ZNF831: variants seen among roughly 807,000 people sequenced by gnomAD.
ZNF831 encodes zinc finger protein 831, also known as chromosome 20 open reading frame 174.
A neutral mutation model predicts 95.8 loss-of-function variants in ZNF831; 59 were observed. The ratio of observed to expected loss-of-function variants is 0.62; its 90% CI spans 0.50 to 0.77. The LOEUF (loss-of-function observed/expected upper bound fraction) is 0.77, where lower values mean the gene tolerates loss of function less well. Ranked by LOEUF, ZNF831 falls within the 30% of genes least tolerant of loss-of-function variation. ZNF831 has a pLI of 0.00. For synonymous variants in ZNF831, 961 were observed against 925.5 expected, an observed-to-expected ratio of 1.04 and a Z score of -0.70; for missense variants, 2,205 against 2,164.0, an observed-to-expected ratio of 1.02 and a Z score of -0.38.
chr20:59,177,157 C>T (rs548506989), intron 1 of ZNF831, among the ~76,000 whole-genome samples: 6 of 152,288 alleles, frequency 3.9e-5, no homozygotes, highest in South Asian at 2.1e-4. Flanking sequence ...CTCCATTTGC[C>T]GTGGAGGAGA....
chr20:59,178,920 G>A (rs988207063), intron 1 of ZNF831, among the ~76,000 whole-genome samples: 5 of 152,210 alleles, frequency 3.3e-5, no homozygotes, highest in Admixed American at 6.5e-5. Flanking sequence ...TCCAGAGCCC[G>A]CTCTCTTTTA....
At chr20:59,140,155 T>C (rs1979632647) in intron 1 of ZNF831, among the ~76,000 whole-genome samples, 1 of 152,188 alleles carries the variant, frequency 6.6e-6, no homozygotes, top group Admixed American at 6.5e-5. Flanking sequence ...TTCTCAGAGG[T>C]GATGAAATGT....
intron 4 of ZNF831, among the ~76,000 whole-genome samples, chr20:59,252,180 G>A (rs1247866527): frequency 1.3e-5 from 2 of 152,214 alleles, no homozygotes; most frequent in Non-Finnish European, 2.9e-5. Flanking sequence ...GGGTTGGCAG[G>A]GGTTGCAGTT....
intron 4 of ZNF831, among the ~76,000 whole-genome samples, chr20:59,221,854 G>C (rs956044268): frequency 6.6e-6 from 1 of 152,206 alleles, no homozygotes; most frequent in Non-Finnish European, 1.5e-5. Context: ...TGGCGTGCCG[G>C]GAACGGACAA....
chr20:59,191,373 G>C lies in ZNF831; in HGVS notation c.354G>C (p.Val118=), dbSNP rs2146546778. ...CCCCTACGCTGACGGTGAACATCGT[G>C]GGCACTCTGCCTGTCCTGTCGCCGG... The part of the protein sequence containing the change: ...PAAPTLTVNI[V]GTLPVLSPGL... The change falls in exon 2 of 6, where the codon GTG becomes GTC. Residue 118 remains valine, a synonymous_variant. Coordinates refer to ENST00000371030, the MANE Select transcript of ZNF831 (RefSeq NM_178457.3). The C allele has an allele frequency of 6.2e-7, 1 of 1,608,856 alleles. No individual in the cohort carries two copies. Among genetic ancestry groups the C allele is most frequent in the Non-Finnish European group, 8.5e-7 (1 of 1,177,730 alleles).
At chr20:59,190,914 G>A (rs1203785705) in intron 1 of ZNF831, 70 bp from the exon 2 acceptor site, 6 of 1,372,614 alleles carry the variant, frequency 4.4e-6, no homozygotes, top group Admixed American at 5.6e-5. Context: ...GCTTGGTGCA[G>A]GGTAGGCAAG....
chr20:59,205,029 C>T (rs749910301), intron 3 of ZNF831, among the ~76,000 whole-genome samples: 1 of 152,124 alleles, frequency 6.6e-6, no homozygotes, highest in Non-Finnish European at 1.5e-5. Flanking sequence ...AATTCAGAGG[C>T]GGGGCCTTTC....
chr20:59,247,076 T>A (rs1158835774), intron 4 of ZNF831, among the ~76,000 whole-genome samples: 1 of 152,192 alleles, frequency 6.6e-6, no homozygotes. Context: ...AACAAATGAA[T>A]TTACTGTCAA....
chr20:59,243,181 T>TA (rs1451907178), intron 4 of ZNF831, among the ~76,000 whole-genome samples: 1 of 152,230 alleles, frequency 6.6e-6, no homozygotes. Flanking sequence ...ATTCAGCACA[T>TA]ACCTAAGGTT....
Position 59,257,801 on chromosome 20 carries a change from G to A in ZNF831, c.*3058G>A, listed in dbSNP as rs1248736584. The A allele has an allele frequency of 6.6e-6, 1 of 152,110 alleles. No homozygotes were observed. The highest frequency in any genetic ancestry group is 1.5e-5 in the Non-Finnish European group (1 of 68,022). The allele number at this position is 152,110 out of a possible 1,614,324, so 9.4% of individuals were successfully genotyped here. On this transcript the variant is annotated 3_prime_UTR_variant, in exon 6 of 6. Coordinates refer to ENST00000371030, the MANE Select transcript of ZNF831 (RefSeq NM_178457.3). The stretch of plus-strand genomic sequence containing the variant: ...TTCTTCCACAGAGAATAGTTAGAGG[G>A]ATGCTGTCATGAACTAAGGGAAGGG...
At chr20:59,151,061 C>T (rs754407252) in intron 2 of ZNF831, among the ~76,000 whole-genome samples, 4 of 152,172 alleles carry the variant, frequency 2.6e-5, no homozygotes, top group Non-Finnish European at 5.9e-5. Context: ...GCAGGGGTAC[C>T]GGGCTGATAG....
chr20:59,142,251 G>C (rs1011446278), intron 1 of ZNF831, among the ~76,000 whole-genome samples: 2 of 152,176 alleles, frequency 1.3e-5, no homozygotes, highest in Non-Finnish European at 1.5e-5. Context: ...AGGCATGAAG[G>C]AATCAGTAGA....
intron 1 of ZNF831, among the ~76,000 whole-genome samples, chr20:59,128,561 T>C (rs753275482): frequency 2.6e-5 from 4 of 152,066 alleles, no homozygotes; most frequent in Non-Finnish European, 5.9e-5. Context: ...AGAGCCGCAG[T>C]GTGAGCTGGC....
intron 4 of ZNF831, among the ~76,000 whole-genome samples, chr20:59,207,394 T>C (rs1984973796): frequency 6.6e-6 from 1 of 152,218 alleles, no homozygotes; most frequent in Non-Finnish European, 1.5e-5. Flanking sequence ...GTTTCACTAT[T>C]TCTAAAAAGA....
chr20:59,130,400 G>A (rs926990498), intron 1 of ZNF831, among the ~76,000 whole-genome samples: 1 of 152,212 alleles, frequency 6.6e-6, no homozygotes, highest in Non-Finnish European at 1.5e-5. Context: ...TTTCCAGGGT[G>A]CACTGAACTG....
intron 1 of ZNF831, among the ~76,000 whole-genome samples, chr20:59,181,512 C>T (rs1428409953): frequency 6.6e-6 from 1 of 152,164 alleles, no homozygotes; most frequent in African/African-American, 2.4e-5. Context: ...TTGGGTTTTA[C>T]ATTTAAGTCT....
At chr20:59,148,209 G>A (rs1979982982) in intron 2 of ZNF831, among the ~76,000 whole-genome samples, 1 of 152,160 alleles carries the variant, frequency 6.6e-6, no homozygotes, top group Non-Finnish European at 1.5e-5. Flanking sequence ...CCAAGACAGG[G>A]ACACGGACAA....
Position 59,169,425 on chromosome 20 carries a change from T to C in ZNF831, c.-37+5218T>C, listed in dbSNP as rs969370605. Among the ~76,000 whole-genome samples the C allele has an allele frequency of 6.6e-6, 1 of 152,222 alleles. No homozygotes were observed. Among genetic ancestry groups the C allele is most frequent in the Non-Finnish European group, 1.5e-5 (1 of 68,038 alleles). On this transcript the variant is annotated intron_variant, in intron 1 of 5. Coordinates refer to ENST00000371030, the MANE Select transcript of ZNF831 (RefSeq NM_178457.3). The surrounding 1 kb of genome is among the most constrained non-coding windows in gnomAD (Gnocchi z 4.1). ...ATTTTCCTTCCTGACATTGATAGTT[T>C]GTGTCTTCTCTCATTTGTCCTTTGT...
rs769019426 is a variant in ZNF831, at chr20:59,193,514, G to C, written c.2495G>C (p.Ser832Thr). 37 of 1,609,566 alleles carry C rather than the reference G, an allele frequency of 2.3e-5. No homozygotes were observed. The highest frequency in any genetic ancestry group is 3.4e-5 in the Admixed American group (2 of 59,514). ...RKKLKVEDLH[S>T]WKQPEPVSAE... The stretch of plus-strand genomic sequence containing the variant: ...AAGCTGAAAGTGGAGGACCTGCACA[G>C]CTGGAAGCAACCAGAGCCTGTGAGC... Residue 832 changes from serine (S) to threonine (T), a missense_variant, in exon 2 of 6, where the codon AGC (serine) becomes ACC (threonine). Coordinates refer to ENST00000371030, the MANE Select transcript of ZNF831 (RefSeq NM_178457.3).
Sources: allele counts gnomAD v4.1 joint callset (sites outside exome capture counted in the v4.1 genomes callset), GRCh38; gene constraint gnomAD v4.1.1; non-coding constraint Gnocchi (gnomAD v3.1); transcripts MANE v1.5; gene names NCBI Gene and HGNC (gene_info 2026-07-23, HGNC 2026-07-21).